The following OPCML variants were observed in gnomAD, a reference collection of about 807,000 sequenced individuals.
OPCML encodes opioid binding protein/cell adhesion molecule like.
A neutral mutation model predicts 37.8 loss-of-function variants in OPCML; 13 were observed. That is an observed-to-expected ratio of 0.34 (90% CI 0.22 to 0.55). The LOEUF is 0.55. Among genes scored for constraint, OPCML ranks in the 20% least tolerant of loss-of-function variants. The probability of loss-of-function intolerance (pLI) is 0.91; values close to 1 mark genes in which losing one functional copy is unlikely to be tolerated. For synonymous variants in OPCML, 176 were observed against 168.8 expected (o/e 1.04, Z -0.33); for missense variants, 341 against 435.6 (o/e 0.78, Z 1.93).
At chr11:132,504,644 T>G (rs1456541527) in intron 4 of OPCML, among the ~76,000 whole-genome samples, 1 of 151,544 alleles carries the variant, frequency 6.6e-6, no homozygotes, top group East Asian at 2.0e-4. Context: ...TGGCAGGAGT[T>G]TCTCACCACA....
At chr11:132,697,241 A>G (rs1481541051) in intron 2 of OPCML, among the ~76,000 whole-genome samples, 2 of 152,208 alleles carry the variant, frequency 1.3e-5, no homozygotes, top group Non-Finnish European at 2.9e-5. Flanking sequence ...ATGTTAATTA[A>G]CATATCCATC....
chr11:133,271,562 T>A (rs73598495), intron 1 of OPCML, among the ~76,000 whole-genome samples: 7,793 of 152,318 alleles, frequency 0.051, 222 homozygotes, highest in Middle Eastern at 0.071. Flanking sequence ...GGCACTATGA[T>A]AAACACATGC....
chr11:132,599,218 G>A (rs945461763), intron 3 of OPCML, among the ~76,000 whole-genome samples: 11 of 152,116 alleles, frequency 7.2e-5, no homozygotes, highest in African/African-American at 2.7e-4. Flanking sequence ...CCCGGGAGGT[G>A]GAGGTTGCAG....
rs189347510 is a variant in OPCML at position 133,389,830 on chromosome 11, G to A, written c.61+142434C>T. On this transcript the variant is annotated intron_variant, in intron 1 of 7. Transcript: ENST00000524381. ...GACTTTCATGGTGCATAGCACATGG[G>A]TAAATATACAATAATAACTACTACT... 3.7e-4 allele frequency among the ~76,000 whole-genome samples: 56 copies of A among 152,294 alleles called. 1 individual carries two copies. Among genetic ancestry groups the A allele is most frequent in the Admixed American group, 1.4e-3 (21 of 15,300 alleles).
chr11:132,720,323 G>A lies in OPCML; in HGVS notation c.147-63004C>T, dbSNP rs59063763. Reference sequence around the variant, plus strand: ...TGGCCACAGCCCTCTCTCCCAAGTCGTTGTGGGCTACCTCCTGAGCAGCTC... The same window carrying A: ...TGGCCACAGCCCTCTCTCCCAAGTCATTGTGGGCTACCTCCTGAGCAGCTC... On this transcript the variant is annotated intron_variant, in intron 2 of 7. Transcript: ENST00000524381. Among the ~76,000 whole-genome samples the A allele has an allele frequency of 1.6e-3, 246 of 152,318 alleles. 1 individual carries two copies. Among genetic ancestry groups the A allele is most frequent in the African/African-American group, 5.6e-3 (233 of 41,576 alleles).
chr11:132,691,250 C>G (rs1345204875), intron 2 of OPCML, among the ~76,000 whole-genome samples: 1 of 152,180 alleles, frequency 6.6e-6, no homozygotes, highest in African/African-American at 2.4e-5. Flanking sequence ...CATTCAATGG[C>G]AAGAAGATAT....
At chr11:132,905,420 A>G (rs2659596) in intron 2 of OPCML, among the ~76,000 whole-genome samples, 30,723 of 151,484 alleles carry the variant, frequency 0.2, 3,770 homozygotes, top group Non-Finnish European at 0.29. Context: ...TTTGGTAGAG[A>G]CAGGGTTTCA....
At chr11:133,080,440 C>T (rs1948694129) in intron 1 of OPCML, among the ~76,000 whole-genome samples, 1 of 151,250 alleles carries the variant, frequency 6.6e-6, no homozygotes, top group African/African-American at 2.4e-5. Flanking sequence ...TGCAGCGGCA[C>T]CGTGAGAAAA....
intron 1 of OPCML, among the ~76,000 whole-genome samples, chr11:133,034,903 C>T (rs1398481037): frequency 1.4e-5 from 2 of 147,704 alleles, no homozygotes; most frequent in Admixed American, 6.7e-5. Flanking sequence ...CTGGTTCGCA[C>T]GGGCACCGGC....
At chr11:132,782,186 G>A (rs1216425381) in intron 2 of OPCML, among the ~76,000 whole-genome samples, 1 of 151,986 alleles carries the variant, frequency 6.6e-6, no homozygotes, top group South Asian at 2.1e-4. Flanking sequence ...ATAAAAAGAT[G>A]TGAATGAAGT....
chr11:133,006,042 C>T lies in OPCML; in HGVS notation c.62-63032G>A, dbSNP rs1947103865. 5 of 985,360 alleles carry T rather than the reference C, an allele frequency of 5.1e-6. No individual in the cohort carries two copies. The South Asian group carries it at 2.3e-4, about 46-fold the overall frequency. The allele number at this position is 985,360 out of a possible 1,614,324, so 61.0% of individuals were successfully genotyped here. Reference sequence around the variant, plus strand: ...CGGAGTGTGGCCTTCGTAGGGAGAGCCATCCTAAGGGCGACCGGGAATGGA... The same window carrying T: ...CGGAGTGTGGCCTTCGTAGGGAGAGTCATCCTAAGGGCGACCGGGAATGGA... On this transcript the variant is annotated intron_variant, in intron 1 of 7. Coordinates refer to ENST00000524381, the MANE Select transcript of OPCML (RefSeq NM_001012393.5).
chr11:132,652,393 G>C (rs1941478495), intron 3 of OPCML, among the ~76,000 whole-genome samples: 2 of 130,616 alleles, frequency 1.5e-5, no homozygotes, highest in African/African-American at 7.3e-5. Context: ...CACAGAGAGA[G>C]AAATCCTGAA....
chr11:132,742,961 G>C (rs940127603), intron 2 of OPCML, among the ~76,000 whole-genome samples: 2 of 151,914 alleles, frequency 1.3e-5, no homozygotes, highest in African/African-American at 4.8e-5. Context: ...ATTACAATAC[G>C]TCCTACTAAA....
intron 1 of OPCML, among the ~76,000 whole-genome samples, chr11:133,038,789 CT>C (rs1947830898): frequency 6.6e-6 from 1 of 151,068 alleles, no homozygotes; most frequent in Non-Finnish European, 1.5e-5. Flanking sequence ...GTTGATCCCC[CT>C]CTTATTCTTC....
intron 2 of OPCML, among the ~76,000 whole-genome samples, chr11:132,882,434 G>A (rs963276303): frequency 1.5e-4 from 23 of 152,254 alleles, no homozygotes; most frequent in African/African-American, 4.8e-4. Flanking sequence ...GGGGAAGGTC[G>A]TCATTGTTCT....
At chr11:133,530,443 T>C (rs968757562) in intron 1 of OPCML, among the ~76,000 whole-genome samples, 3 of 152,170 alleles carry the variant, frequency 2.0e-5, no homozygotes, top group Admixed American at 6.5e-5. Context: ...TCCAGCACAG[T>C]GAGAGGAGGG....
intron 1 of OPCML, among the ~76,000 whole-genome samples, chr11:133,034,267 A>T (rs954640568): frequency 4.0e-5 from 6 of 151,072 alleles, no homozygotes; most frequent in African/African-American, 1.2e-4. Flanking sequence ...CCCAAAGGCC[A>T]GTGTCATTAC....
At chr11:133,230,416 GT>G (rs1051024682) in intron 1 of OPCML, among the ~76,000 whole-genome samples, 2 of 152,116 alleles carry the variant, frequency 1.3e-5, no homozygotes, top group African/African-American at 4.8e-5. Context: ...GCTGTCACTC[GT>G]TTCTATTTCT....
At position 133,235,891 on chromosome 11, in the gene OPCML, G is replaced by A. The variant is rs561573465; in HGVS notation, c.62-292881C>T. On this transcript the variant is annotated intron_variant, in intron 1 of 7. Transcript: ENST00000524381. The stretch of plus-strand genomic sequence containing the variant: ...ACTGTGAAATGGGAGGGTTGGACAA[G>A]ATTTGCATGAAAGCACCTTCTGATT... Among the ~76,000 whole-genome samples the A allele has an allele frequency of 3.9e-5, 6 of 152,308 alleles. No individual in the cohort carries two copies. In the South Asian group the frequency reaches 1.2e-3, roughly 32 times the overall value.
Sources: gnomAD v4.1 joint callset for allele counts (sites outside exome capture counted in the v4.1 genomes callset) on GRCh38, gnomAD v4.1.1 for gene constraint, MANE v1.5 for transcripts, NCBI Gene and HGNC (gene_info 2026-07-23, HGNC 2026-07-21) for gene names.